The following COL28A1 variants were observed in gnomAD, a reference collection of about 807,000 sequenced individuals.
COL28A1 encodes the protein collagen type XXVIII alpha 1 chain.
Under a neutral mutation model 150.2 loss-of-function variants are expected in COL28A1, and 161 were observed. The ratio of observed to expected loss-of-function variants is 1.07; its 90% CI spans 0.94 to 1.22. The LOEUF (loss-of-function observed/expected upper bound fraction) is 1.22. Among genes scored for constraint, COL28A1 ranks in the 50% most tolerant of loss-of-function variants. The pLI is 0.00. For missense variants in COL28A1, 1,617 were observed against 1,388.3 expected (o/e 1.16, Z -2.62); for synonymous variants, 552 against 469.7 (o/e 1.18, Z -2.26).
In COL28A1 at chr7:7,432,524, T is replaced by G; in HGVS notation, c.1947A>C (p.Pro649=). The G allele has an allele frequency of 6.2e-7, 1 of 1,614,088 alleles. No homozygotes were observed. The highest frequency in any genetic ancestry group is 1.7e-5 in the Admixed American group (1 of 60,008). ...YPGVPGPRGL[P]GPPGPMGLRG... ...GTAAACCCATCGGCCCAGGGGGTCC[T>G]GGTAATCCACGAGGTCCCTGAGATG... The change falls in exon 25 of 35, where the codon CCA becomes CCC. Residue 649 remains proline (P), a synonymous_variant. Coordinates refer to ENST00000399429, the MANE Select transcript of COL28A1 (RefSeq NM_001037763.3).
chr7:7,516,137 A>C (rs1367341833), intron 7 of COL28A1, among the ~76,000 whole-genome samples: 1 of 152,240 alleles, frequency 6.6e-6, no homozygotes, highest in Admixed American at 6.5e-5. Context: ...TGTACACTGA[A>C]AGTCATTGTA....
At chr7:7,347,737 C>CAGCA in the COL28A1 span, among the ~76,000 whole-genome samples, 1 of 152,054 alleles carries the variant, frequency 6.6e-6, no homozygotes, top group African/African-American at 2.4e-5. Flanking sequence ...ACAGAGGAAA[C>CAGCA]AGCAGGTACA....
intron 3 of COL28A1, among the ~76,000 whole-genome samples, chr7:7,526,769 G>A (rs966680837): frequency 1.3e-5 from 2 of 152,004 alleles, no homozygotes; most frequent in Non-Finnish European, 2.9e-5. Context: ...TGAAATAGCT[G>A]GAATTACAGA....
downstream of COL28A1, among the ~76,000 whole-genome samples, chr7:7,357,345 C>A (rs1780391520): frequency 1.3e-5 from 2 of 152,094 alleles, no homozygotes; most frequent in Non-Finnish European, 2.9e-5. Flanking sequence ...CCACGGCGCC[C>A]AGCTGAGAAA....
chr7:7,543,350 AATAAT>A, the COL28A1 span, among the ~76,000 whole-genome samples: 1 of 152,220 alleles, frequency 6.6e-6, no homozygotes, highest in South Asian at 2.1e-4. Context: ...TTTGTAGCTG[AATAAT>A]ATAATACTTT....
At chr7:7,414,445 A>T (rs757748200) in intron 27 of COL28A1, among the ~76,000 whole-genome samples, 24 of 152,222 alleles carry the variant, frequency 1.6e-4, no homozygotes, top group Non-Finnish European at 2.9e-4. Flanking sequence ...AAGGAGCTGG[A>T]GTTCCACTTC....
At chr7:7,372,151 G>A (rs1236775930) in intron 32 of COL28A1, among the ~76,000 whole-genome samples, 2 of 152,060 alleles carry the variant, frequency 1.3e-5, no homozygotes, top group Non-Finnish European at 2.9e-5. Context: ...TGTAATCCCA[G>A]CACTTTGGGA....
chr7:7,380,886 T>G, intron 28 of COL28A1, 24 bp from the exon 29 acceptor site: 2 of 1,589,472 alleles, frequency 1.3e-6, no homozygotes, highest in Non-Finnish European at 1.7e-6. Context: ...GGTAAAATGA[T>G]AGGTTCAGAA....
chr7:7,542,229 T>G, the COL28A1 span, among the ~76,000 whole-genome samples: 1 of 152,106 alleles, frequency 6.6e-6, no homozygotes, highest in African/African-American at 2.4e-5. Context: ...ATGCCTGTAA[T>G]CCCAGCCACT....
intron 13 of COL28A1, among the ~76,000 whole-genome samples, chr7:7,479,743 C>A (rs534215094): frequency 2.8e-4 from 42 of 152,168 alleles, no homozygotes; most frequent in Non-Finnish European, 5.1e-4. Context: ...TGACTTCTCA[C>A]ATGAGTTAAG....
intron 11 of COL28A1, among the ~76,000 whole-genome samples, chr7:7,494,296 A>C (rs1412400933): frequency 6.6e-6 from 1 of 152,014 alleles, no homozygotes; most frequent in East Asian, 1.9e-4. Flanking sequence ...TCCTCAAATG[A>C]TTGTTCTGTC....
the COL28A1 span, among the ~76,000 whole-genome samples, chr7:7,347,231 G>C: frequency 1.3e-5 from 2 of 152,026 alleles, no homozygotes; most frequent in African/African-American, 4.8e-5. Context: ...CATGAGCCCT[G>C]ACTTAAAATA....
At chr7:7,492,498 T>C (rs1779970157) in intron 11 of COL28A1, among the ~76,000 whole-genome samples, 1 of 148,446 alleles carries the variant, frequency 6.7e-6, no homozygotes, top group Admixed American at 6.8e-5. Context: ...GGCAGGAGAA[T>C]TGCTTGAACC....
chr7:7,375,524 A>G (rs1323393682), intron 30 of COL28A1, 27 bp from the exon 31 acceptor site: 2 of 1,417,790 alleles, frequency 1.4e-6, no homozygotes, highest in Non-Finnish European at 2.0e-6. Context: ...AAAATGTATT[A>G]CTATATGTAT....
At position 7,373,585 on chromosome 7, in the gene COL28A1, G is replaced by T. The variant is rs760363704; in HGVS notation, c.2360-39C>A. 126 of 1,552,326 alleles carry T rather than the reference G, an allele frequency of 8.1e-5. No homozygotes were observed. The highest frequency in any genetic ancestry group is 1.0e-4 in the Non-Finnish European group (117 of 1,140,108). On this transcript the variant is annotated intron_variant, in intron 31 of 34. Coordinates refer to ENST00000399429, the MANE Select transcript of COL28A1 (RefSeq NM_001037763.3). The surrounding 1 kb of genome is among the most constrained non-coding windows in gnomAD (Gnocchi z 4.1). ...GTTGAGAGAGAAAAATTGTGGGAAT[G>T]ATTGACATCAGATTGTTGAGGGGAG...
chr7:7,416,273 G>C (rs1447553242), intron 27 of COL28A1, among the ~76,000 whole-genome samples: 1 of 152,204 alleles, frequency 6.6e-6, no homozygotes, highest in African/African-American at 2.4e-5. Context: ...TTTCACCCAG[G>C]ATGGAGTTTA....
intron 25 of COL28A1, among the ~76,000 whole-genome samples, chr7:7,423,920 TTC>T (rs1340758472): frequency 3.3e-5 from 5 of 152,178 alleles, no homozygotes; most frequent in African/African-American, 9.7e-5. Flanking sequence ...TACCTTACTG[TTC>T]TCTCTGTCCC....
chr7:7,513,950 A>G (rs1433027825), intron 8 of COL28A1, among the ~76,000 whole-genome samples: 1 of 152,232 alleles, frequency 6.6e-6, no homozygotes, highest in African/African-American at 2.4e-5. Context: ...TGAACAGATC[A>G]GCTCTGTTCT....
rs148009762 is a variant in COL28A1 at position 7,464,916 on chromosome 7, G to C, written c.1303-8804C>G. 1.1e-3 allele frequency among the ~76,000 whole-genome samples: 160 copies of C among 152,252 alleles called. 1 individual carries two copies. Among genetic ancestry groups the C allele is most frequent in the African/African-American group, 3.4e-3 (141 of 41,556 alleles). ...AGCAAGATTAACCAAGAAAAGAAGG[G>C]AGAAAATCCAAATAAGTTCAATTAG... On this transcript the variant is annotated intron_variant, in intron 15 of 34. Transcript: ENST00000399429.
Sources: allele counts gnomAD v4.1 joint callset (sites outside exome capture counted in the v4.1 genomes callset), GRCh38; gene constraint gnomAD v4.1.1; non-coding constraint Gnocchi (gnomAD v3.1); transcripts MANE v1.5; gene names NCBI Gene and HGNC (gene_info 2026-07-23, HGNC 2026-07-21).